Variants in HOMER1 observed in about 807,000 individuals in gnomAD.
The protein encoded by HOMER1 is homer protein homolog 1.
A neutral mutation model predicts 48.9 loss-of-function variants in HOMER1; 3 were observed. The ratio of observed to expected loss-of-function variants is 0.06; its 90% CI spans 0.03 to 0.16. The LOEUF is 0.16. HOMER1 is among the 10% of genes least tolerant of loss of function. The pLI is 1.00. For missense variants in HOMER1, 247 were observed against 411.4 expected, an observed-to-expected ratio of 0.60 and a Z score of 3.46; for synonymous variants, 134 against 146.4, an observed-to-expected ratio of 0.92 and a Z score of 0.61.
chr5:79,509,986 C>T (rs1752892167), intron 1 of HOMER1, among the ~76,000 whole-genome samples: 1 of 152,134 alleles, frequency 6.6e-6, no homozygotes, highest in Non-Finnish European at 1.5e-5. Flanking sequence ...CTTTAAAAGC[C>T]ATTTAAAGCC....
rs900116447 is a variant in HOMER1, at chr5:79,373,301, T to C, written c.*2708A>G. ...AAAATAAAAACTGTATTTTTGCTTT[T>C]CTTTTTTTTTTTCAATTTTTGTTTT... On this transcript the variant is annotated 3_prime_UTR_variant, in exon 9 of 9. Coordinates refer to ENST00000334082, the MANE Select transcript of HOMER1 (RefSeq NM_004272.5). 2 of 151,782 alleles carry C rather than the reference T, an allele frequency of 1.3e-5. No individual in the cohort carries two copies. Among genetic ancestry groups the C allele is most frequent in the African/African-American group, 2.4e-5 (1 of 41,366 alleles). The allele number at this position is 151,782 out of a possible 1,614,324, so 9.4% of individuals were successfully genotyped here. A position where few individuals can be genotyped will look rare whatever the true frequency, so the allele number is the denominator to read the frequency against.
At position 79,422,218 on chromosome 5, in the gene HOMER1, C is replaced by T. The variant is rs551760075; in HGVS notation, c.527+16792G>A. 6.7e-5 allele frequency among the ~76,000 whole-genome samples: 10 copies of T among 150,136 alleles called. No individual in the cohort carries two copies. In the East Asian group the frequency reaches 2.0e-3, roughly 29 times the overall value. On this transcript the variant is annotated intron_variant, in intron 5 of 8. Coordinates refer to ENST00000334082, the MANE Select transcript of HOMER1 (RefSeq NM_004272.5). ...CTCCAGCCTGGGTGACAGAGGGAGG[C>T]TCCATCTCAAAAAAATTAAAAAAAA...
At chr5:79,460,046 G>A (rs1751275959) in intron 1 of HOMER1, among the ~76,000 whole-genome samples, 1 of 151,988 alleles carries the variant, frequency 6.6e-6, no homozygotes, top group Non-Finnish European at 1.5e-5. Context: ...TAACAGATAG[G>A]TTCTCACTAT....
chr5:79,485,485 A>AT (rs1361920030), intron 1 of HOMER1, among the ~76,000 whole-genome samples: 11 of 152,090 alleles, frequency 7.2e-5, no homozygotes, highest in Non-Finnish European at 1.0e-4. Context: ...TATTTGTTCC[A>AT]TTTTTTTCCA....
At position 79,486,932 on chromosome 5, in the gene HOMER1, C is replaced by T. The variant is rs186847569; in HGVS notation, c.5+25838G>A. 1.3e-4 allele frequency among the ~76,000 whole-genome samples: 20 copies of T among 152,280 alleles called. 1 individual carries two copies. The highest frequency in any genetic ancestry group is 4.3e-4 in the African/African-American group (18 of 41,566). ...ATCAGAAGGCAATAACATTTGACAGCAAAGTACCCTTTGAGAATAAAATTA... is the reference window on the plus strand; with the variant it reads ...ATCAGAAGGCAATAACATTTGACAGTAAAGTACCCTTTGAGAATAAAATTA... On this transcript the variant is annotated intron_variant, in intron 1 of 8. Transcript: ENST00000334082.
chr5:79,479,316 T>G (rs935781656), intron 1 of HOMER1, among the ~76,000 whole-genome samples: 1 of 152,202 alleles, frequency 6.6e-6, no homozygotes, highest in African/African-American at 2.4e-5. Flanking sequence ...GTTGCCTTAT[T>G]TGGCAAAAGG....
At chr5:79,503,797 C>T (rs570011225) in intron 1 of HOMER1, among the ~76,000 whole-genome samples, 3 of 151,466 alleles carry the variant, frequency 2.0e-5, no homozygotes, top group Admixed American at 6.6e-5. Flanking sequence ...AAGTGGAAGT[C>T]GATCATCATA....
chr5:79,479,812 T>C (rs931906554), intron 1 of HOMER1, among the ~76,000 whole-genome samples: 1 of 130,382 alleles, frequency 7.7e-6, no homozygotes, highest in Non-Finnish European at 1.5e-5. Flanking sequence ...TTCTAAATTC[T>C]ATTATATGTG....
intron 8 of HOMER1, among the ~76,000 whole-genome samples, chr5:79,392,988 A>AGAGAGAGAGAGAGAGAG: frequency 7.4e-6 from 1 of 134,670 alleles, no homozygotes; most frequent in Non-Finnish European, 1.6e-5. Flanking sequence ...AGAGAGAGAG[A>AGAGAGAGAGAGAGAGAG]AGAGAGCCAT....
Position 79,427,784 on chromosome 5 carries a change from TTTCC to T in HOMER1, c.527+11222_527+11225del, listed in dbSNP as rs140929951. 7.4e-4 allele frequency among the ~76,000 whole-genome samples: 106 copies of T among 144,030 alleles called. No individual in the cohort carries two copies. In the East Asian group the frequency reaches 7.9e-3, roughly 11 times the overall value. The allele number at this position is 144,030 out of a possible 152,430, so 94.5% of individuals were successfully genotyped here. ...TCCCTTCCTTCCTTCCTTTCCTTCA[TTTCC>T]TTCCTTCCTTCCTTTCCTTCCTTCC... is the stretch of plus-strand genomic sequence containing the variant. On this transcript the variant is annotated intron_variant, in intron 5 of 8. Transcript: ENST00000334082.
At chr5:79,436,082 C>T (rs913771465) in intron 5 of HOMER1, among the ~76,000 whole-genome samples, 3 of 150,632 alleles carry the variant, frequency 2.0e-5, no homozygotes, top group Non-Finnish European at 3.0e-5. Flanking sequence ...GCCGAGATTG[C>T]GCCACTGCAG....
intron 1 of HOMER1, among the ~76,000 whole-genome samples, chr5:79,467,051 A>G (rs142613305): frequency 0.18 from 27,690 of 151,948 alleles, 2,950 homozygotes; most frequent in East Asian, 0.37. Flanking sequence ...CGGCCTCCCA[A>G]TGTGCTGGGA....
At chr5:79,417,263 C>T (rs1749969155) in intron 5 of HOMER1, among the ~76,000 whole-genome samples, 1 of 152,102 alleles carries the variant, frequency 6.6e-6, no homozygotes, top group African/African-American at 2.4e-5. Flanking sequence ...CTGCCTCAGC[C>T]TCCTGAGTAG....
rs34470593 is a variant in HOMER1, at chr5:79,375,904, A to ATTTTTT, written c.*99_*104dup. 3 of 352,900 alleles carry ATTTTTT rather than the reference A, an allele frequency of 8.5e-6. No homozygotes were observed. The highest frequency in any genetic ancestry group is 4.7e-5 in the African/African-American group (2 of 42,296). The allele number at this position is 352,900 out of a possible 1,614,324, so 21.9% of individuals were successfully genotyped here. A position where few individuals can be genotyped will look rare whatever the true frequency, so the allele number is the denominator to read the frequency against. Reference sequence around the variant, plus strand: ...CCTCCTCCTGGAGGAGTGATATTCAATTTTTTTTTTTTTTTTTTTGTGCAA... The same window carrying ATTTTTT: ...CCTCCTCCTGGAGGAGTGATATTCAATTTTTTTTTTTTTTTTTTTTTTTTTGTGCAA... On this transcript the variant is annotated 3_prime_UTR_variant, in exon 9 of 9. Coordinates refer to ENST00000334082, the MANE Select transcript of HOMER1 (RefSeq NM_004272.5).
At chr5:79,479,338 T>C (rs537419518) in intron 1 of HOMER1, among the ~76,000 whole-genome samples, 3 of 152,336 alleles carry the variant, frequency 2.0e-5, no homozygotes, top group Non-Finnish European at 2.9e-5. Flanking sequence ...ATTTTGCAGA[T>C]GTGATTAAGT....
At chr5:79,474,935 C>T (rs1432361558) in intron 1 of HOMER1, among the ~76,000 whole-genome samples, 1 of 152,188 alleles carries the variant, frequency 6.6e-6, no homozygotes, top group Non-Finnish European at 1.5e-5. Flanking sequence ...ATTGAGCACA[C>T]AAATTACAAA....
At chr5:79,426,890 T>A (rs572179252) in intron 5 of HOMER1, among the ~76,000 whole-genome samples, 3 of 152,252 alleles carry the variant, frequency 2.0e-5, no homozygotes, top group Admixed American at 2.0e-4. Flanking sequence ...TATGTTTGTA[T>A]CAAAATATCA....
chr5:79,506,229 T>C (rs950920963), intron 1 of HOMER1, among the ~76,000 whole-genome samples: 3 of 151,900 alleles, frequency 2.0e-5, no homozygotes, highest in African/African-American at 7.3e-5. Flanking sequence ...ATAAAAACTT[T>C]CAAAAACAAG....
chr5:79,459,294 T>C (rs902426289), intron 1 of HOMER1, among the ~76,000 whole-genome samples: 1 of 152,226 alleles, frequency 6.6e-6, no homozygotes, highest in Non-Finnish European at 1.5e-5. Flanking sequence ...GGAAATGCAA[T>C]GTTTTCAGTA....
Sources: gnomAD v4.1 joint callset for allele counts (sites outside exome capture counted in the v4.1 genomes callset) on GRCh38, gnomAD v4.1.1 for gene constraint, MANE v1.5 for transcripts, NCBI Gene and HGNC (gene_info 2026-07-23, HGNC 2026-07-21) for gene names.